The following SEMA3D variants were observed in gnomAD, a reference collection of about 807,000 sequenced individuals.
The protein encoded by SEMA3D is semaphorin-3D.
A neutral mutation model predicts 100.1 loss-of-function variants in SEMA3D; 84 were observed. The observed-to-expected ratio is 0.84, with a 90% CI of 0.70 to 1.01. The LOEUF is 1.01. Ranked by LOEUF, SEMA3D falls within the 50% of genes least tolerant of loss-of-function variation. SEMA3D has a pLI of 0.00. For synonymous variants in SEMA3D, 312 were observed against 320.7 expected (o/e 0.97, Z 0.29); for missense variants, 875 against 934.1 (o/e 0.94, Z 0.82).
chr7:85,156,125 T>C (rs988268732), intron 1 of SEMA3D, among the ~76,000 whole-genome samples: 2 of 149,066 alleles, frequency 1.3e-5, no homozygotes, highest in Non-Finnish European at 1.5e-5. Context: ...TTTTTTGAGA[T>C]GGAGTCTCGC....
chr7:85,166,493 C>T (rs1583983752), intron 1 of SEMA3D, among the ~76,000 whole-genome samples: 2 of 151,968 alleles, frequency 1.3e-5, no homozygotes, highest in South Asian at 2.1e-4. Context: ...TAGTAGCTAA[C>T]ATTTATGAGG....
At chr7:85,212,861 AAAT>A in the SEMA3D span, among the ~76,000 whole-genome samples, 1 of 151,984 alleles carries the variant, frequency 6.6e-6, no homozygotes, top group Non-Finnish European at 1.5e-5. Flanking sequence ...ATTTCAGGCA[AAAT>A]ATCTGCTAAA....
the SEMA3D span, among the ~76,000 whole-genome samples, chr7:85,196,755 T>C: frequency 6.6e-6 from 1 of 152,142 alleles, no homozygotes; most frequent in Non-Finnish European, 1.5e-5. Context: ...ACTTTTGTAG[T>C]GATCAAGGAA....
At chr7:85,082,415 C>G (rs1562810136) in intron 4 of SEMA3D, among the ~76,000 whole-genome samples, 1 of 152,070 alleles carries the variant, frequency 6.6e-6, no homozygotes, top group African/African-American at 2.4e-5. Flanking sequence ...AAAGTTTTTG[C>G]AAAATAAATT....
At chr7:85,095,756 GA>G (rs1326025562) in intron 4 of SEMA3D, among the ~76,000 whole-genome samples, 1 of 151,892 alleles carries the variant, frequency 6.6e-6, no homozygotes, top group African/African-American at 2.4e-5. Context: ...GAGATATAAA[GA>G]AATATCAGTT....
At chr7:85,160,816 C>T (rs1226733705) in intron 1 of SEMA3D, among the ~76,000 whole-genome samples, 1 of 152,082 alleles carries the variant, frequency 6.6e-6, no homozygotes, top group Non-Finnish European at 1.5e-5. Context: ...AGTTGATAGA[C>T]AAAGTACCTC....
At chr7:85,208,936 A>G in the SEMA3D span, among the ~76,000 whole-genome samples, 2 of 152,118 alleles carry the variant, frequency 1.3e-5, no homozygotes, top group Non-Finnish European at 2.9e-5. Context: ...CTGAAGGAAG[A>G]TAAGTATAAG....
intron 5 of SEMA3D, among the ~76,000 whole-genome samples, chr7:85,075,607 T>TA (rs920470269): frequency 2.6e-5 from 4 of 151,176 alleles, no homozygotes; most frequent in Admixed American, 6.6e-5. Context: ...TGACATGGAA[T>TA]AAAAAAAAAG....
chr7:85,164,081 A>C, intron 1 of SEMA3D, among the ~76,000 whole-genome samples: 1 of 152,108 alleles, frequency 6.6e-6, no homozygotes, highest in East Asian at 1.9e-4. Flanking sequence ...GTTTGCAATA[A>C]AGTTGATGCT....
intron 3 of SEMA3D, among the ~76,000 whole-genome samples, chr7:85,117,800 GTATGTATGTATC>G (rs1347222400): frequency 1.8e-3 from 274 of 148,358 alleles, no homozygotes; most frequent in African/African-American, 6.8e-3. Flanking sequence ...ATGTATGTAT[GTATGTATGTATC>G]TATCTACCAT....
intron 1 of SEMA3D, among the ~76,000 whole-genome samples, chr7:85,171,817 A>T (rs957183961): frequency 2.6e-5 from 4 of 152,068 alleles, no homozygotes; most frequent in Admixed American, 2.6e-4. Context: ...AAGGAAAAAT[A>T]AAACAAAAAT....
At chr7:85,085,459 G>T (rs1490683886) in intron 4 of SEMA3D, among the ~76,000 whole-genome samples, 1 of 152,160 alleles carries the variant, frequency 6.6e-6, no homozygotes, top group Non-Finnish European at 1.5e-5. Flanking sequence ...AAATGTGGAA[G>T]CACTCTTTAT....
intron 3 of SEMA3D, among the ~76,000 whole-genome samples, chr7:85,121,468 AATTT>A (rs573684409): frequency 4.6e-5 from 7 of 152,078 alleles, no homozygotes; most frequent in Non-Finnish European, 8.8e-5. Context: ...TATTTTTAGG[AATTT>A]ATTTGTTTTA....
intron 1 of SEMA3D, among the ~76,000 whole-genome samples, chr7:85,161,180 G>A (rs1790736095): frequency 6.6e-6 from 1 of 152,086 alleles, no homozygotes. Flanking sequence ...TATCTTCCAT[G>A]TTTTGTTGTT....
intron 6 of SEMA3D, 48 bp downstream of exon 6, chr7:85,072,914 T>C (rs1450886194): frequency 6.9e-7 from 1 of 1,446,556 alleles, no homozygotes; most frequent in Admixed American, 2.0e-5. Context: ...AATTAAGTAG[T>C]AATGTATTAC....
At chr7:85,126,416 T>TC (rs1479977623) in intron 2 of SEMA3D, among the ~76,000 whole-genome samples, 16 of 149,212 alleles carry the variant, frequency 1.1e-4, no homozygotes, top group East Asian at 2.0e-4. Context: ...TGTGTGTGTG[T>TC]GTGTGTGTGT....
At chr7:85,068,406 G>A (rs1052372976) in intron 6 of SEMA3D, 122 bp from the exon 7 acceptor site, 12 of 630,126 alleles carry the variant, frequency 1.9e-5, no homozygotes, top group African/African-American at 1.8e-4. Flanking sequence ...CATATAGCAT[G>A]TGCATAATGC....
intron 7 of SEMA3D, among the ~76,000 whole-genome samples, chr7:85,066,520 C>T (rs899870510): frequency 5.3e-5 from 8 of 151,226 alleles, no homozygotes; most frequent in South Asian, 2.1e-4. Context: ...AGGGGTGGGG[C>T]GGAGGGGCAG....
intron 4 of SEMA3D, among the ~76,000 whole-genome samples, chr7:85,089,276 G>T (rs1788308902): frequency 1.3e-5 from 2 of 151,976 alleles, no homozygotes; most frequent in Non-Finnish European, 2.9e-5. Context: ...TTATCTTCTA[G>T]GTAGAGCTTG....
Sources: allele counts gnomAD v4.1 joint callset (sites outside exome capture counted in the v4.1 genomes callset), GRCh38; gene constraint gnomAD v4.1.1; transcripts MANE v1.5; gene names NCBI Gene and HGNC (gene_info 2026-07-23, HGNC 2026-07-21).